The following PGAP1 variants were observed in gnomAD, a reference collection of about 807,000 sequenced individuals.
PGAP1 encodes the protein GPI inositol-deacylase.
In PGAP1, 76 loss-of-function variants were observed where a neutral mutation model predicts 127.0. That is an observed-to-expected ratio of 0.60 (90% confidence interval 0.50 to 0.72). The LOEUF (loss-of-function observed/expected upper bound fraction) is 0.72, where lower values mean the gene tolerates loss of function less well. Ranked by LOEUF, PGAP1 falls within the 30% of genes least tolerant of loss-of-function variation. The pLI, the probability that PGAP1 is intolerant of heterozygous loss-of-function variation, is 0.00. For synonymous variants in PGAP1, 362 were observed against 366.5 expected (o/e 0.99, Z 0.14); for missense variants, 982 against 1,071.3 (o/e 0.92, Z 1.16).
At chr2:196,904,228 A>G (rs1702604690) in intron 4 of PGAP1, among the ~76,000 whole-genome samples, 1 of 152,208 alleles carries the variant, frequency 6.6e-6, no homozygotes, top group African/African-American at 2.4e-5. Flanking sequence ...GGAAGAGCAG[A>G]TCTTCAGTCT....
At chr2:196,847,457 T>TA in intron 21 of PGAP1, 3 of 233,964 alleles carry the variant, frequency 1.3e-5, no homozygotes, top group East Asian at 7.8e-5. Context: ...AGTAATATGT[T>TA]CTTTTTTTTT....
At chr2:196,892,664 T>A (rs529678753) in intron 8 of PGAP1, among the ~76,000 whole-genome samples, 40 of 152,212 alleles carry the variant, frequency 2.6e-4, no homozygotes, top group Admixed American at 7.8e-4. Flanking sequence ...ATATTTCATT[T>A]CCCAAACAAG....
At chr2:196,902,808 T>C (rs1702541715) in intron 4 of PGAP1, 66 bp from the exon 5 acceptor site, 1 of 1,157,418 alleles carries the variant, frequency 8.6e-7, no homozygotes, top group Non-Finnish European at 1.2e-6. Context: ...AAGATATCTA[T>C]ACAGTAATAT....
chr2:196,906,709 T>A (rs1702729335), intron 4 of PGAP1, among the ~76,000 whole-genome samples: 1 of 33,876 alleles, frequency 3.0e-5, no homozygotes, highest in African/African-American at 1.1e-4. Context: ...TTGAAAAAAA[T>A]TTAGAAGAAT....
intron 20 of PGAP1, among the ~76,000 whole-genome samples, chr2:196,854,978 GA>G (rs1375397510): frequency 6.8e-6 from 1 of 147,946 alleles, no homozygotes; most frequent in Non-Finnish European, 1.5e-5. Flanking sequence ...TTTTTTTGTA[GA>G]AACGGGGCCT....
chr2:196,844,256 G>C (rs1312756859), intron 24 of PGAP1, among the ~76,000 whole-genome samples, 181 bp from the exon 25 acceptor site: 1 of 151,978 alleles, frequency 6.6e-6, no homozygotes, highest in African/African-American at 2.4e-5. Context: ...TTATTCTTTT[G>C]ACTTGCTAGT....
chr2:196,857,824 C>T lies in PGAP1; in HGVS notation c.1861+7163G>A, dbSNP rs116357361. ...TGCCTGCTCAACCTCAAACTGGCATCGCCCTTGTTATTCATCCTGGTAGCC... is the reference window on the plus strand; with the variant it reads ...TGCCTGCTCAACCTCAAACTGGCATTGCCCTTGTTATTCATCCTGGTAGCC... On this transcript the variant is annotated intron_variant, in intron 20 of 26. Transcript: ENST00000354764. Among the ~76,000 whole-genome samples, 745 of 152,320 alleles carry T rather than the reference C, an allele frequency of 4.9e-3. 3 individuals carry two copies. Among genetic ancestry groups the T allele is most frequent in the African/African-American group, 8.3e-3 (344 of 41,570 alleles).
At chr2:196,904,769 C>G (rs1469904599) in intron 4 of PGAP1, among the ~76,000 whole-genome samples, 1 of 152,092 alleles carries the variant, frequency 6.6e-6, no homozygotes, top group East Asian at 1.9e-4. Flanking sequence ...TTAGCTGGAT[C>G]ACAGTGCAGA....
intron 10 of PGAP1, 87 bp from the exon 11 acceptor site, chr2:196,885,967 T>C (rs373691022): frequency 1.2e-6 from 1 of 859,014 alleles, no homozygotes; most frequent in African/African-American, 1.7e-5. Context: ...ACACTTTTTA[T>C]TGTTATATGA....
intron 20 of PGAP1, among the ~76,000 whole-genome samples, chr2:196,860,048 T>C (rs1701015089): frequency 6.6e-6 from 1 of 152,092 alleles, no homozygotes; most frequent in South Asian, 2.1e-4. Context: ...TACATCCAAA[T>C]TGGAAAAGAA....
chr2:196,919,707 C>A (rs926410926), intron 2 of PGAP1, among the ~76,000 whole-genome samples: 1 of 152,122 alleles, frequency 6.6e-6, no homozygotes, highest in Non-Finnish European at 1.5e-5. Context: ...AATGTGTTTC[C>A]TCTGCTGATT....
intron 4 of PGAP1, among the ~76,000 whole-genome samples, chr2:196,911,609 A>T (rs12463775): frequency 3.0e-3 from 8 of 2,686 alleles, no homozygotes; most frequent in East Asian, 0.05. Flanking sequence ...AGTATAATAA[A>T]AAAAAAAAAA....
At chr2:196,889,910 A>G (rs902668160) in intron 10 of PGAP1, among the ~76,000 whole-genome samples, 4 of 151,874 alleles carry the variant, frequency 2.6e-5, no homozygotes, top group African/African-American at 9.7e-5. Context: ...AATGTAGATA[A>G]ATTATTGAAG....
At chr2:196,856,987 G>A (rs970241238) in intron 20 of PGAP1, among the ~76,000 whole-genome samples, 1 of 152,028 alleles carries the variant, frequency 6.6e-6, no homozygotes, top group Middle Eastern at 3.2e-3. Flanking sequence ...ATATTCCTAG[G>A]TATTTTATTC....
At chr2:196,846,719 T>C (rs1293856579) in intron 22 of PGAP1, among the ~76,000 whole-genome samples, 1 of 152,156 alleles carries the variant, frequency 6.6e-6, no homozygotes, top group African/African-American at 2.4e-5. Context: ...AAACAATCCC[T>C]CCTGGGAAAG....
intron 20 of PGAP1, among the ~76,000 whole-genome samples, chr2:196,853,895 G>T (rs756331066): frequency 6.7e-6 from 1 of 150,160 alleles, no homozygotes; most frequent in Non-Finnish European, 1.5e-5. Context: ...TATTTGGCAA[G>T]CTTCCCAAAG....
At chr2:196,879,708 A>C (rs767453943) in intron 13 of PGAP1, among the ~76,000 whole-genome samples, 5 of 151,792 alleles carry the variant, frequency 3.3e-5, no homozygotes, top group East Asian at 1.9e-4. Context: ...AAAACAAAAC[A>C]AAACCAGGGT....
Position 196,841,431 on chromosome 2 carries a change from A to G in PGAP1, c.2631-59T>C, listed in dbSNP as rs1486521704. On this transcript the variant is annotated intron_variant, in intron 26 of 26. Transcript: ENST00000354764. Reference sequence around the variant, plus strand: ...GTGAACTACATTGTGAGCCAAAATTATATCAATCTTTTATACAGTTTTGGA... The same window carrying G: ...GTGAACTACATTGTGAGCCAAAATTGTATCAATCTTTTATACAGTTTTGGA... 37 of 1,284,944 alleles carry G rather than the reference A, an allele frequency of 2.9e-5. 1 individual carries two copies. The Admixed American group carries it at 7.8e-4, about 27-fold the overall frequency. The allele number at this position is 1,284,944 out of a possible 1,614,324, so 79.6% of individuals were successfully genotyped here. A position where few individuals can be genotyped will look rare whatever the true frequency, so the allele number is the denominator to read the frequency against.
intron 16 of PGAP1, 152 bp from the exon 17 acceptor site, chr2:196,873,178 C>T (rs918999171): frequency 8.8e-6 from 4 of 452,390 alleles, no homozygotes; most frequent in Non-Finnish European, 1.6e-5. Context: ...TGGCGAATTC[C>T]TAAATAATAA....
Sources: allele counts gnomAD v4.1 joint callset (sites outside exome capture counted in the v4.1 genomes callset), GRCh38; gene constraint gnomAD v4.1.1; transcripts MANE v1.5; gene names NCBI Gene and HGNC (gene_info 2026-07-23, HGNC 2026-07-21).